The following ATAD2B variants were observed in gnomAD, a reference collection of about 807,000 sequenced individuals.
ATAD2B encodes ATPase family AAA domain-containing protein 2B.
In ATAD2B, 40 loss-of-function variants were observed where a neutral mutation model predicts 167.6. That is an observed-to-expected ratio of 0.24 (90% CI 0.19 to 0.31). The LOEUF is 0.31. Ranked by LOEUF, ATAD2B falls within the 10% of genes least tolerant of loss-of-function variation. The probability of loss-of-function intolerance (pLI) is 1.00; values close to 1 mark genes in which losing one functional copy is unlikely to be tolerated. For missense variants in ATAD2B, 1,242 were observed against 1,757.2 expected (o/e 0.71, Z 5.24); for synonymous variants, 579 against 596.5 (o/e 0.97, Z 0.43).
chr2:23,710,721 C>T, the ATAD2B span, among the ~76,000 whole-genome samples: 1 of 152,172 alleles, frequency 6.6e-6, no homozygotes, highest in Non-Finnish European at 1.5e-5. Context: ...AATGAAAAAA[C>T]AATACAGTGT....
chr2:23,851,302 A>C (rs1412450718), intron 13 of ATAD2B, among the ~76,000 whole-genome samples: 1 of 152,002 alleles, frequency 6.6e-6, no homozygotes, highest in African/African-American at 2.4e-5. Flanking sequence ...CACCACACCC[A>C]ACTAATTTTT....
At position 23,857,416 on chromosome 2, in the gene ATAD2B, T is replaced by C; in HGVS notation, c.1567A>G (p.Ser523Gly). Residue 523 changes from serine to glycine, a missense_variant and splice_region_variant, in exon 13 of 28, where the codon AGC becomes GGC. Around this residue, in one of 9 missense-constraint regions of ATAD2B, gnomAD observed 151 missense variants for 284.1 expected, o/e 0.53. Transcript: ENST00000238789. ...VRSSRQDQIH[S>G]SIVSTLLALM... ...GATAATCAGATAAAGAAAAATTACC[T>C]GTGGATCTGATCTTGTCTGCTAGAG... 1 of 1,488,996 alleles carries C rather than the reference T, an allele frequency of 6.7e-7. No individual in the cohort carries two copies. The highest frequency in any genetic ancestry group is 8.9e-7 in the Non-Finnish European group (1 of 1,118,418). 92.2% of individuals were successfully genotyped at this position (1,488,996 alleles called of 1,614,324 possible). A position where few individuals can be genotyped will look rare whatever the true frequency, so the allele number is the denominator to read the frequency against.
chr2:23,921,205 C>CAAA (rs61004964), intron 1 of ATAD2B, among the ~76,000 whole-genome samples: 1,800 of 31,358 alleles, frequency 0.057, 208 homozygotes, highest in Non-Finnish European at 0.065. Flanking sequence ...GACTCCATCT[C>CAAA]AAAAAAAAAA....
chr2:23,764,382 C>A (rs984024509), intron 23 of ATAD2B, among the ~76,000 whole-genome samples: 1 of 152,164 alleles, frequency 6.6e-6, no homozygotes, highest in Non-Finnish European at 1.5e-5. Context: ...ATAAAGATTT[C>A]TTGGCCTTAA....
chr2:23,905,400 T>C (rs1290910942), intron 1 of ATAD2B, among the ~76,000 whole-genome samples: 3 of 152,178 alleles, frequency 2.0e-5, no homozygotes, highest in Non-Finnish European at 2.9e-5. Flanking sequence ...GGCACATGCC[T>C]GTGGTCCCAG....
chr2:23,805,795 T>TAAAAAAAAAAAAAAAAAAAAAAAAAAAAA (rs3030816), intron 18 of ATAD2B, among the ~76,000 whole-genome samples: 1 of 100,970 alleles, frequency 9.9e-6, no homozygotes, highest in African/African-American at 3.4e-5. Flanking sequence ...TATCAAGCTT[T>TAAAAAAAAAAAAAAAAAAAAAAAAAAAAA]AAAAAAAAAA....
the ATAD2B span, among the ~76,000 whole-genome samples, chr2:23,683,803 G>A: frequency 6.6e-6 from 1 of 152,152 alleles, no homozygotes; most frequent in African/African-American, 2.4e-5. Flanking sequence ...TTCCCGAAAA[G>A]TCCCCACAAG....
intron 17 of ATAD2B, among the ~76,000 whole-genome samples, chr2:23,818,288 G>A (rs1475445541): frequency 2.5e-5 from 3 of 118,306 alleles, no homozygotes; most frequent in Non-Finnish European, 3.7e-5. Flanking sequence ...AAGAAGAGAG[G>A]GAGGGGGGAG....
At chr2:23,883,574 G>T (rs557295246) in intron 6 of ATAD2B, 3 of 1,257,664 alleles carry the variant, frequency 2.4e-6, no homozygotes, top group Admixed American at 2.7e-5. Context: ...GGCAAGAATC[G>T]CATTATAAAT....
intron 4 of ATAD2B, 37 bp downstream of exon 4, chr2:23,887,795 T>A: frequency 6.7e-7 from 1 of 1,494,128 alleles, no homozygotes; most frequent in South Asian, 1.4e-5. Flanking sequence ...AAAAACCAAA[T>A]AATTAAATGA....
chr2:23,754,486 T>G (rs575752698), intron 26 of ATAD2B, among the ~76,000 whole-genome samples, 161 bp downstream of exon 26: 124 of 152,302 alleles, frequency 8.1e-4, no homozygotes, highest in African/African-American at 2.9e-3. Context: ...CTCCCGTATC[T>G]TTCAACTCCT....
chr2:23,789,625 G>C (rs949384836), intron 19 of ATAD2B, among the ~76,000 whole-genome samples: 1 of 152,166 alleles, frequency 6.6e-6, no homozygotes, highest in Admixed American at 6.5e-5. Flanking sequence ...ATATGGATTA[G>C]AATCAAAGAC....
the ATAD2B span, among the ~76,000 whole-genome samples, chr2:23,701,804 T>C: frequency 6.6e-4 from 93 of 141,464 alleles, 2 homozygotes; most frequent in Admixed American, 3.0e-3. Context: ...TTTTTTTTTT[T>C]TTTTTTTTTT....
the ATAD2B span, among the ~76,000 whole-genome samples, chr2:23,743,304 T>C: frequency 6.6e-6 from 1 of 152,158 alleles, no homozygotes; most frequent in Non-Finnish European, 1.5e-5. Context: ...CAGTAGCTCA[T>C]GCCTGTAATC....
Position 23,911,046 on chromosome 2 carries a change from G to C in ATAD2B, c.217-15076C>G, listed in dbSNP as rs542717783. Among the ~76,000 whole-genome samples, 58 of 150,684 alleles carry C rather than the reference G, an allele frequency of 3.8e-4. No homozygotes were observed. The South Asian group carries it at 0.011, about 27-fold the overall frequency. On this transcript the variant is annotated intron_variant, in intron 1 of 27. Coordinates refer to ENST00000238789, the MANE Select transcript of ATAD2B (RefSeq NM_017552.4). ...GTTCGAGACCAGCCTGACCAACATGGAGAAACCCCATCTCTACTAAAAATA... is the reference window on the plus strand; with the variant it reads ...GTTCGAGACCAGCCTGACCAACATGCAGAAACCCCATCTCTACTAAAAATA...
chr2:23,883,002 G>A (rs546201780), intron 6 of ATAD2B, among the ~76,000 whole-genome samples: 1 of 151,504 alleles, frequency 6.6e-6, no homozygotes, highest in African/African-American at 2.4e-5. Flanking sequence ...GGCTGGACAT[G>A]GTGGCTTACG....
the ATAD2B span, among the ~76,000 whole-genome samples, chr2:23,698,253 G>T: frequency 7.6e-6 from 1 of 131,134 alleles, no homozygotes; most frequent in Non-Finnish European, 1.7e-5. Flanking sequence ...AGGGCCCTGA[G>T]CCCTTCCTCA....
intron 17 of ATAD2B, among the ~76,000 whole-genome samples, chr2:23,811,930 C>T (rs1685660808): frequency 6.6e-6 from 1 of 151,602 alleles, no homozygotes; most frequent in Non-Finnish European, 1.5e-5. Context: ...CTGTTACTAC[C>T]CTGACAGATG....
chr2:23,892,422 C>T (rs980647521), intron 2 of ATAD2B, among the ~76,000 whole-genome samples: 1 of 151,936 alleles, frequency 6.6e-6, no homozygotes, highest in East Asian at 1.9e-4. Context: ...CCTCGGCCTC[C>T]CAAAGTGCTG....
Sources: gnomAD v4.1 joint callset for allele counts (sites outside exome capture counted in the v4.1 genomes callset) on GRCh38, gnomAD v4.1.1 for gene constraint, gnomAD v4.1.1 regional missense constraint, MANE v1.5 for transcripts, NCBI Gene and HGNC (gene_info 2026-07-23, HGNC 2026-07-21) for gene names.